The following DMD variants were observed in gnomAD, a reference collection of about 807,000 sequenced individuals.
DMD encodes the protein dystrophin.
Under a neutral mutation model 330.1 loss-of-function variants are expected in DMD, and 63 were observed. That is an observed-to-expected ratio of 0.19 (90% CI 0.16 to 0.24). The LOEUF (loss-of-function observed/expected upper bound fraction) is 0.24, where lower values mean the gene tolerates loss of function less well. DMD is among the 10% of genes least tolerant of loss of function. The pLI is 1.00. For synonymous variants in DMD, 1,223 were observed against 959.8 expected, an observed-to-expected ratio of 1.27 and a Z score of -5.07; for missense variants, 3,344 against 2,684.1, an observed-to-expected ratio of 1.25 and a Z score of -5.43.
intron 1 of DMD, among the ~76,000 whole-genome samples, chrX:33,205,719 G>T (rs994730603): frequency 8.9e-6 from 1 of 111,893 alleles, no homozygotes; most frequent in Non-Finnish European, 1.9e-5. Flanking sequence ...CATTTTATTT[G>T]CCCATAATTG....
intron 2 of DMD, among the ~76,000 whole-genome samples, chrX:33,010,341 T>C (rs1419892792): frequency 2.0e-5 from 2 of 99,468 alleles, no homozygotes; most frequent in African/African-American, 3.7e-5. Flanking sequence ...TATATGTACA[T>C]ATATATGTGT....
intron 45 of DMD, among the ~76,000 whole-genome samples, chrX:31,941,707 C>T (rs1051080011): frequency 1.8e-5 from 2 of 111,353 alleles, no homozygotes; most frequent in African/African-American, 6.5e-5. Context: ...CCTCTCCTTC[C>T]TCCCCCTTCT....
At chrX:31,823,106 C>A (rs904188837) in intron 49 of DMD, among the ~76,000 whole-genome samples, 1 of 112,932 alleles carries the variant, frequency 8.9e-6, no homozygotes. Flanking sequence ...GCAGGACTTG[C>A]GTCAGGAATA....
intron 1 of DMD, among the ~76,000 whole-genome samples, chrX:33,037,311 C>T (rs2094220544): frequency 9.1e-6 from 1 of 109,804 alleles, no homozygotes; most frequent in South Asian, 3.9e-4. Context: ...GGTCATGATG[C>T]TCTATATCTG....
At chrX:32,806,601 A>G (rs2076963060) in intron 7 of DMD, among the ~76,000 whole-genome samples, 1 of 111,761 alleles carries the variant, frequency 8.9e-6, no homozygotes, top group African/African-American at 3.3e-5. Context: ...GACCTCACAG[A>G]CATCTACAGA....
intron 64 of DMD, 101 bp from the exon 65 acceptor site, chrX:31,209,800 T>C: frequency 5.1e-6 from 4 of 783,437 alleles, no homozygotes; most frequent in Non-Finnish European, 7.6e-6. Flanking sequence ...TCTCATACCC[T>C]TTAATAAACA....
chrX:32,382,561 G>T (rs1477045995), intron 33 of DMD, among the ~76,000 whole-genome samples: 3 of 110,170 alleles, frequency 2.7e-5, no homozygotes, highest in African/African-American at 9.8e-5. Flanking sequence ...CGTACATTTA[G>T]AAAACATTTA....
Position 33,082,672 on chromosome X carries a change from A to G in DMD, c.32-62472T>C, listed in dbSNP as rs112521358. Among the ~76,000 whole-genome samples the G allele has an allele frequency of 8.0e-3, 902 of 112,317 alleles. 11 individuals are homozygous for G. Among genetic ancestry groups the G allele is most frequent in the African/African-American group, 0.028 (859 of 30,889 alleles). ...CTCAAGAAAAATCTTAGGAGTAACT[A>G]TGACATGAACCCCAAAATTCCTGTC... is the stretch of plus-strand genomic sequence containing the variant. On this transcript the variant is annotated intron_variant, in intron 1 of 78. Coordinates refer to ENST00000357033, the MANE Select transcript of DMD (RefSeq NM_004006.3).
At chrX:32,897,179 T>C (rs1278959037) in intron 2 of DMD, among the ~76,000 whole-genome samples, 2 of 112,064 alleles carry the variant, frequency 1.8e-5, no homozygotes, top group Admixed American at 9.5e-5. Flanking sequence ...AACAAGGCTT[T>C]GGTTCAAATC....
At chrX:33,113,790 T>C (rs950426752) in intron 1 of DMD, among the ~76,000 whole-genome samples, 1 of 111,605 alleles carries the variant, frequency 9.0e-6, no homozygotes, top group African/African-American at 3.3e-5. Flanking sequence ...AGTTGTCACA[T>C]GTACATATTG....
At chrX:32,242,156 C>T (rs1004344904) in intron 43 of DMD, among the ~76,000 whole-genome samples, 21 of 112,152 alleles carry the variant, frequency 1.9e-4, no homozygotes, top group African/African-American at 6.8e-4. Context: ...TGTTCCAATT[C>T]CACCTTCAGT....
chrX:31,316,831 T>C (rs185420278), intron 62 of DMD, among the ~76,000 whole-genome samples: 2 of 112,009 alleles, frequency 1.8e-5, no homozygotes, highest in East Asian at 5.6e-4. Context: ...AGCATCAGGC[T>C]TTTGGCAGTG....
At chrX:31,879,477 T>C (rs1336284581) in intron 47 of DMD, among the ~76,000 whole-genome samples, 1 of 111,610 alleles carries the variant, frequency 9.0e-6, no homozygotes, top group Non-Finnish European at 1.9e-5. Context: ...TCAATTACTT[T>C]TGTAAAAAAT....
At chrX:31,186,400 A>G (rs1419880883) in intron 67 of DMD, among the ~76,000 whole-genome samples, 1 of 112,207 alleles carries the variant, frequency 8.9e-6, no homozygotes, top group Non-Finnish European at 1.9e-5. Flanking sequence ...TAATGCAGGA[A>G]CAGAAAACCA....
rs763621245 is a variant in DMD, at chrX:32,700,563, T to A, written c.650-1270A>T. 4.5e-5 allele frequency among the ~76,000 whole-genome samples: 5 copies of A among 111,732 alleles called. No individual in the cohort carries two copies. The Admixed American group carries it at 4.8e-4, about 11-fold the overall frequency. On this transcript the variant is annotated intron_variant, in intron 7 of 78. Coordinates refer to ENST00000357033, the MANE Select transcript of DMD (RefSeq NM_004006.3). ...GAGTAGATATTAAGTATACTCACCA[T>A]GAAACATGCTAAGCATATGAAGTAA...
intron 2 of DMD, among the ~76,000 whole-genome samples, chrX:32,956,668 C>T (rs944371474): frequency 3.6e-5 from 4 of 111,360 alleles, no homozygotes; most frequent in African/African-American, 1.3e-4. Context: ...TTGACTTCCT[C>T]TCTTCCTAGT....
intron 1 of DMD, among the ~76,000 whole-genome samples, chrX:33,113,949 A>G (rs12556755): frequency 0.44 from 47,887 of 109,397 alleles, 8,735 homozygotes; most frequent in Non-Finnish European, 0.56. Flanking sequence ...CTTACCCCTC[A>G]AAATGGTTAA....
At chrX:31,511,399 G>A (rs1366931608) in intron 55 of DMD, among the ~76,000 whole-genome samples, 1 of 104,206 alleles carries the variant, frequency 9.6e-6, no homozygotes, top group Non-Finnish European at 2.0e-5. Flanking sequence ...AGTTACATAT[G>A]TATACATGTG....
At chrX:31,278,817 T>G (rs2052390422) in intron 62 of DMD, among the ~76,000 whole-genome samples, 1 of 112,048 alleles carries the variant, frequency 8.9e-6, no homozygotes, top group South Asian at 3.7e-4. Context: ...AATGGTCACA[T>G]TTTAGGGCTG....
Sources: gnomAD v4.1 joint callset for allele counts (sites outside exome capture counted in the v4.1 genomes callset) on GRCh38, gnomAD v4.1.1 for gene constraint, MANE v1.5 for transcripts, NCBI Gene and HGNC (gene_info 2026-07-23, HGNC 2026-07-21) for gene names.